Variants in EDNRA observed in about 807,000 individuals in gnomAD.
EDNRA encodes the protein endothelin-1 receptor.
A neutral mutation model predicts 41.4 loss-of-function variants in EDNRA; 11 were observed. The observed-to-expected ratio is 0.27, with a 90% CI of 0.17 to 0.44. The LOEUF (loss-of-function observed/expected upper bound fraction) is 0.44. EDNRA is among the 20% of genes least tolerant of loss of function. EDNRA has a pLI of 1.00. For synonymous variants in EDNRA, 172 were observed against 183.0 expected (o/e 0.94, Z 0.49); for missense variants, 294 against 531.0 (o/e 0.55, Z 4.39).
At chr4:147,520,341 A>T in intron 3 of EDNRA, 1 of 509,772 alleles carries the variant, frequency 2.0e-6, no homozygotes, top group Non-Finnish European at 3.9e-6. Flanking sequence ...GATACTGTTC[A>T]ATTATATCTG....
rs578135444 is a variant in EDNRA at position 147,512,196 on chromosome 4, T to C, written c.421-7655T>C. On this transcript the variant is annotated intron_variant, in intron 2 of 7. Coordinates refer to ENST00000651419, the MANE Select transcript of EDNRA (RefSeq NM_001957.4). Reference sequence around the variant, plus strand: ...GTCCCTCACTTTTGGATTGGTACTCTTACAGCAAAGAGAGTTATTAAAAAG... The same window carrying C: ...GTCCCTCACTTTTGGATTGGTACTCCTACAGCAAAGAGAGTTATTAAAAAG... 2.0e-5 allele frequency among the ~76,000 whole-genome samples: 3 copies of C among 152,316 alleles called. No individual in the cohort carries two copies. In the East Asian group the frequency reaches 5.8e-4, roughly 29 times the overall value.
At chr4:147,505,186 C>A (rs60185960) in intron 2 of EDNRA, among the ~76,000 whole-genome samples, 1 of 138,248 alleles carries the variant, frequency 7.2e-6, no homozygotes, top group African/African-American at 2.9e-5. Flanking sequence ...TACACCCTAT[C>A]TGAATGGCTA....
intron 2 of EDNRA, among the ~76,000 whole-genome samples, chr4:147,505,753 A>G (rs890426861): frequency 2.2e-5 from 3 of 138,802 alleles, no homozygotes; most frequent in African/African-American, 5.5e-5. Context: ...GGTTCACGTC[A>G]TTCTCCTGCC....
rs1399305789 is a variant in EDNRA, at chr4:147,543,355, CT to C, written c.*738del. ...TGTTACTCAAAGAATTTTTTAAGAACTGTATTTTATTTTTTAAATGGTGTTT... is the reference window on the plus strand; with the variant it reads ...TGTTACTCAAAGAATTTTTTAAGAACGTATTTTATTTTTTAAATGGTGTTT... On this transcript the variant is annotated 3_prime_UTR_variant, in exon 8 of 8. Transcript: ENST00000651419. 4.6e-5 allele frequency: 7 copies of C among 152,044 alleles called. No homozygotes were observed. Among genetic ancestry groups the C allele is most frequent in the Admixed American group, 4.6e-4 (7 of 15,274 alleles). The allele number at this position is 152,044 out of a possible 1,614,324, so 9.4% of individuals were successfully genotyped here.
chr4:147,488,085 G>C (rs939291291), intron 2 of EDNRA: 1 of 152,178 alleles, frequency 6.6e-6, no homozygotes, highest in Non-Finnish European at 1.5e-5. Flanking sequence ...TTATGAACTA[G>C]TGAACCAACC....
intron 5 of EDNRA, among the ~76,000 whole-genome samples, chr4:147,538,741 T>A (rs1352598986): frequency 6.6e-6 from 1 of 152,194 alleles, no homozygotes; most frequent in East Asian, 1.9e-4. Flanking sequence ...TCCCAGTTCC[T>A]TTAGCTAGAG....
intron 3 of EDNRA, among the ~76,000 whole-genome samples, chr4:147,532,130 G>A (rs1730764759): frequency 1.4e-5 from 2 of 144,470 alleles, no homozygotes; most frequent in Non-Finnish European, 3.0e-5. Context: ...GGCTAGCACG[G>A]TGAAACCCCG....
chr4:147,492,304 A>G (rs1173984007), intron 2 of EDNRA: 1 of 152,218 alleles, frequency 6.6e-6, no homozygotes, highest in African/African-American at 2.4e-5. Flanking sequence ...AATGAGTGAA[A>G]AAAGAAAATG....
At chr4:147,484,460 G>A (rs1432312396) in intron 1 of EDNRA, among the ~76,000 whole-genome samples, 2 of 152,114 alleles carry the variant, frequency 1.3e-5, no homozygotes, top group East Asian at 1.9e-4. Context: ...CCTTAGAATC[G>A]CAGTGTTGCC....
intron 4 of EDNRA, among the ~76,000 whole-genome samples, chr4:147,533,902 G>C (rs1165614553): frequency 2.0e-5 from 3 of 152,198 alleles, no homozygotes; most frequent in African/African-American, 7.2e-5. Flanking sequence ...GGGTGGGCTA[G>C]ACGGTTGCAG....
intron 3 of EDNRA, among the ~76,000 whole-genome samples, chr4:147,522,649 C>A (rs974148719): frequency 6.6e-6 from 1 of 152,132 alleles, no homozygotes; most frequent in Admixed American, 6.6e-5. Flanking sequence ...GTCAGCATGG[C>A]TACTAAGTGC....
intron 1 of EDNRA, among the ~76,000 whole-genome samples, chr4:147,484,632 A>G (rs1199195822): frequency 6.6e-6 from 1 of 152,214 alleles, no homozygotes; most frequent in African/African-American, 2.4e-5. Context: ...AAATAAATGT[A>G]GCTATATAGG....
intron 3 of EDNRA, among the ~76,000 whole-genome samples, chr4:147,525,006 A>G (rs1425188553): frequency 6.6e-6 from 1 of 152,230 alleles, no homozygotes; most frequent in African/African-American, 2.4e-5. Flanking sequence ...TCATTTTATG[A>G]GCTGAATAAA....
rs201081494 is a variant in EDNRA, at chr4:147,543,177, A to G, written c.*559A>G. 3 of 147,286 alleles carry G rather than the reference A, an allele frequency of 2.0e-5. No individual in the cohort carries two copies. The highest frequency in any genetic ancestry group is 4.5e-5 in the Non-Finnish European group (3 of 67,034). The allele number at this position is 147,286 out of a possible 1,614,324, so 9.1% of individuals were successfully genotyped here. A position where few individuals can be genotyped will look rare whatever the true frequency, so the allele number is the denominator to read the frequency against. On this transcript the variant is annotated 3_prime_UTR_variant, in exon 8 of 8. Coordinates refer to ENST00000651419, the MANE Select transcript of EDNRA (RefSeq NM_001957.4). Reference sequence around the variant, plus strand: ...TTTGAACTTATTTACACATAGTTTGAAAAAAAAAAGACAAAAATAGTATTC... The same window carrying G: ...TTTGAACTTATTTACACATAGTTTGGAAAAAAAAAGACAAAAATAGTATTC...
intron 3 of EDNRA, among the ~76,000 whole-genome samples, chr4:147,530,462 A>G (rs1271035514): frequency 1.3e-5 from 2 of 152,220 alleles, no homozygotes; most frequent in Non-Finnish European, 1.5e-5. Flanking sequence ...TTATATCATA[A>G]AAGGATTTTC....
At chr4:147,505,972 T>C (rs1249897476) in intron 2 of EDNRA, 7 of 324,570 alleles carry the variant, frequency 2.2e-5, no homozygotes, top group African/African-American at 8.9e-5. Context: ...AAACTAAATA[T>C]GCAATTACCA....
chr4:147,532,777 T>C (rs1335449317), intron 4 of EDNRA, 73 bp downstream of exon 4: 1 of 1,463,924 alleles, frequency 6.8e-7, no homozygotes, highest in Non-Finnish European at 9.5e-7. Context: ...TCTTGAGACT[T>C]GATGACATCG....
At chr4:147,498,421 C>G (rs1729390056) in intron 2 of EDNRA, among the ~76,000 whole-genome samples, 1 of 152,168 alleles carries the variant, frequency 6.6e-6, no homozygotes, top group South Asian at 2.1e-4. Flanking sequence ...AGCACTGCTG[C>G]TTGCTCCTGC....
intron 2 of EDNRA, among the ~76,000 whole-genome samples, chr4:147,515,434 G>A (rs1730082643): frequency 6.6e-6 from 1 of 152,148 alleles, no homozygotes; most frequent in Non-Finnish European, 1.5e-5. Flanking sequence ...GATGGCCAAG[G>A]CACTGGGATA....
Sources: allele counts gnomAD v4.1 joint callset (sites outside exome capture counted in the v4.1 genomes callset), GRCh38; gene constraint gnomAD v4.1.1; transcripts MANE v1.5; gene names NCBI Gene and HGNC (gene_info 2026-07-23, HGNC 2026-07-21).